Variants in ANKRD33B observed in about 807,000 individuals in gnomAD.
ANKRD33B encodes ankyrin repeat domain-containing protein 33B.
In ANKRD33B, 6 loss-of-function variants were observed where a neutral mutation model predicts 21.5. The ratio of observed to expected loss-of-function variants is 0.28; its 90% confidence interval spans 0.15 to 0.55. The LOEUF is 0.55. Among genes scored for constraint, ANKRD33B ranks in the 20% least tolerant of loss-of-function variants. ANKRD33B has a pLI of 0.94. For synonymous variants in ANKRD33B, 347 were observed against 342.4 expected, an observed-to-expected ratio of 1.01 and a Z score of -0.15; for missense variants, 698 against 747.2, an observed-to-expected ratio of 0.93 and a Z score of 0.77.
At position 10,649,566 on chromosome 5, in the gene ANKRD33B, C is replaced by T. The variant is rs753886697; in HGVS notation, c.938C>T (p.Thr313Met). ...CTGGACCACATGGTCCGGATGACCA[C>T]GAGCCTCTACAGCCCCGCCGTGGCC... ...GVLDHMVRMT[T>M]SLYSPAVAIV... Residue 313 changes from threonine (T) to methionine (M), a missense_variant, in exon 4 of 4, where the codon ACG (threonine) becomes ATG (methionine). Thr to Met is a moderately conservative substitution (Grantham distance 81). Coordinates refer to ENST00000296657, the MANE Select transcript of ANKRD33B (RefSeq NM_001164440.2). The T allele has an allele frequency of 1.3e-6, 2 of 1,517,510 alleles. No homozygotes were observed. Among genetic ancestry groups the T allele is most frequent in the Non-Finnish European group, 1.8e-6 (2 of 1,137,096 alleles). The allele number at this position is 1,517,510 out of a possible 1,614,324, so 94.0% of individuals were successfully genotyped here. A position where few individuals can be genotyped will look rare whatever the true frequency, so the allele number is the denominator to read the frequency against.
At chr5:10,578,113 A>G (rs1735365278) in intron 1 of ANKRD33B, among the ~76,000 whole-genome samples, 1 of 152,230 alleles carries the variant, frequency 6.6e-6, no homozygotes, top group Non-Finnish European at 1.5e-5. Context: ...ACACACTGTG[A>G]TGGGTGGAAG....
rs1735318605 is a variant in ANKRD33B at position 10,576,244 on chromosome 5, G to A, written c.366+11411G>A. ...AATCGATTGAATTTTGGACATGAAA[G>A]CAGGGTCAGACCTAGTTATTAATAG... On this transcript the variant is annotated intron_variant, in intron 1 of 3. Coordinates refer to ENST00000296657, the MANE Select transcript of ANKRD33B (RefSeq NM_001164440.2). This position sits in a 1 kb window ranked among gnomAD's most constrained non-coding sequence, Gnocchi z 4.1. 6.6e-6 allele frequency among the ~76,000 whole-genome samples: 1 copy of A among 152,190 alleles called. No homozygotes were observed. The highest frequency in any genetic ancestry group is 1.5e-5 in the Non-Finnish European group (1 of 68,032).
chr5:10,628,508 A>G (rs1220449193), intron 2 of ANKRD33B, among the ~76,000 whole-genome samples: 3 of 150,784 alleles, frequency 2.0e-5, no homozygotes, highest in Non-Finnish European at 4.4e-5. Context: ...ATTTTTTGAG[A>G]TGGGATCTTG....
chr5:10,639,573 C>T (rs1736971641), intron 3 of ANKRD33B, among the ~76,000 whole-genome samples: 3 of 47,604 alleles, frequency 6.3e-5, no homozygotes, highest in South Asian at 1.1e-3. Context: ...TAGGCGGTGA[C>T]GTGGAGTTGC....
At chr5:10,615,010 G>A (rs898441458) in intron 1 of ANKRD33B, among the ~76,000 whole-genome samples, 1 of 152,228 alleles carries the variant, frequency 6.6e-6, no homozygotes, top group South Asian at 2.1e-4. Flanking sequence ...GAGGAGTGTG[G>A]TGGGGAGAAG....
At chr5:10,635,378 G>T (rs973159959) in intron 2 of ANKRD33B, among the ~76,000 whole-genome samples, 3 of 152,206 alleles carry the variant, frequency 2.0e-5, no homozygotes, top group African/African-American at 7.2e-5. Flanking sequence ...GAGTAATTCA[G>T]CAGCTCTGGG....
At chr5:10,642,327 A>G (rs925892593) in intron 3 of ANKRD33B, among the ~76,000 whole-genome samples, 2 of 152,122 alleles carry the variant, frequency 1.3e-5, no homozygotes, top group African/African-American at 4.8e-5. Context: ...CAAATTTGAC[A>G]TTAGATTTGA....
chr5:10,579,878 GT>G (rs2079174754), intron 1 of ANKRD33B, among the ~76,000 whole-genome samples: 1 of 152,154 alleles, frequency 6.6e-6, no homozygotes, highest in African/African-American at 2.4e-5. Flanking sequence ...GTCTACCGTG[GT>G]TTTTATCATG....
chr5:10,657,312 G>A lies in ANKRD33B; in HGVS notation c.*7199G>A, dbSNP rs1433591593. ...CATTTGGGGGTGTCCAAGGACCTGTGTTTTTAACAAAGATGACTTTATGAC... is the reference window on the plus strand; with the variant it reads ...CATTTGGGGGTGTCCAAGGACCTGTATTTTTAACAAAGATGACTTTATGAC... On this transcript the variant is annotated 3_prime_UTR_variant, in exon 4 of 4. Transcript: ENST00000296657. The A allele has an allele frequency of 6.6e-6, 1 of 152,372 alleles. No individual in the cohort carries two copies. Among genetic ancestry groups the A allele is most frequent in the Non-Finnish European group, 1.5e-5 (1 of 68,040 alleles). 9.4% of individuals were successfully genotyped at this position (152,372 alleles called of 1,614,324 possible). A position where few individuals can be genotyped will look rare whatever the true frequency, so the allele number is the denominator to read the frequency against.
intron 2 of ANKRD33B, chr5:10,627,586 C>G (rs1168437719): frequency 1.3e-5 from 2 of 152,270 alleles, no homozygotes; most frequent in East Asian, 1.9e-4. Flanking sequence ...CGGGGAGAGT[C>G]CCAGTTCAGA....
intron 1 of ANKRD33B, among the ~76,000 whole-genome samples, chr5:10,572,897 G>T (rs1384559579): frequency 6.6e-6 from 1 of 152,210 alleles, no homozygotes; most frequent in East Asian, 1.9e-4. Context: ...AGAGGCCAGA[G>T]AGAAATGCTT....
chr5:10,582,644 C>T (rs1735466931), intron 1 of ANKRD33B, among the ~76,000 whole-genome samples: 2 of 152,194 alleles, frequency 1.3e-5, no homozygotes. Context: ...GACTTGCTGT[C>T]CCCCAGCTGT....
intron 1 of ANKRD33B, among the ~76,000 whole-genome samples, chr5:10,615,829 T>C (rs926581443): frequency 1.3e-5 from 2 of 152,192 alleles, no homozygotes; most frequent in African/African-American, 4.8e-5. Flanking sequence ...TGCTCCCTGG[T>C]GGGATGACAA....
chr5:10,602,000 G>A (rs979323436), intron 1 of ANKRD33B, among the ~76,000 whole-genome samples: 1 of 152,230 alleles, frequency 6.6e-6, no homozygotes, highest in Admixed American at 6.5e-5. Flanking sequence ...CCAGGACTAG[G>A]TAAGAATTTA....
Position 10,655,298 on chromosome 5 carries a change from T to G in ANKRD33B, c.*5185T>G, listed in dbSNP as rs1737457238. On this transcript the variant is annotated 3_prime_UTR_variant, in exon 4 of 4. Transcript: ENST00000296657. Reference sequence around the variant, plus strand: ...TGAAAAGGATGCAAAGCCTGCTGTTTTCAGGCTGTTGGGAAGAATCGTGCG... The same window carrying G: ...TGAAAAGGATGCAAAGCCTGCTGTTGTCAGGCTGTTGGGAAGAATCGTGCG... 6.6e-6 allele frequency: 1 copy of G among 152,336 alleles called. No individual in the cohort carries two copies. 9.4% of individuals were successfully genotyped at this position (152,336 alleles called of 1,614,324 possible).
intron 1 of ANKRD33B, among the ~76,000 whole-genome samples, chr5:10,565,878 G>A (rs1560957372): frequency 6.6e-6 from 1 of 152,194 alleles, no homozygotes; most frequent in East Asian, 1.9e-4. Flanking sequence ...TTTTTGCTCA[G>A]GAGCCTGCAG....
rs570240502 is a variant in ANKRD33B at position 10,650,850 on chromosome 5, T to G, written c.*737T>G. On this transcript the variant is annotated 3_prime_UTR_variant, in exon 4 of 4. Coordinates refer to ENST00000296657, the MANE Select transcript of ANKRD33B (RefSeq NM_001164440.2). Reference sequence around the variant, plus strand: ...AAACAATGGAGCGATAAACATGTATTTATTGCTAGAATTAAACTCATTTTA... The same window carrying G: ...AAACAATGGAGCGATAAACATGTATGTATTGCTAGAATTAAACTCATTTTA... 39 of 152,516 alleles carry G rather than the reference T, an allele frequency of 2.6e-4. 1 individual carries two copies. The highest frequency in any genetic ancestry group is 3.4e-3 in the Middle Eastern group (1 of 294). The allele number at this position is 152,516 out of a possible 1,614,324, so 9.4% of individuals were successfully genotyped here.
intron 1 of ANKRD33B, among the ~76,000 whole-genome samples, chr5:10,579,845 A>C (rs1186497268): frequency 6.6e-6 from 1 of 152,238 alleles, no homozygotes; most frequent in African/African-American, 2.4e-5. Context: ...GAATTCACAT[A>C]CCATACAATT....
chr5:10,593,649 C>T (rs1560967562), intron 1 of ANKRD33B, among the ~76,000 whole-genome samples: 1 of 151,956 alleles, frequency 6.6e-6, no homozygotes, highest in Non-Finnish European at 1.5e-5. Flanking sequence ...CTTCACCTCT[C>T]CAGCCTCTCT....
Sources: gnomAD v4.1 joint callset for allele counts (sites outside exome capture counted in the v4.1 genomes callset) on GRCh38, gnomAD v4.1.1 for gene constraint, Gnocchi (gnomAD v3.1) non-coding constraint, MANE v1.5 for transcripts, NCBI Gene and HGNC (gene_info 2026-07-23, HGNC 2026-07-21) for gene names.